Variants in DLGAP2 observed in about 807,000 individuals in gnomAD.
The protein encoded by DLGAP2 is disks large-associated protein 2.
Under a neutral mutation model 100.3 loss-of-function variants are expected in DLGAP2, and 26 were observed. The observed-to-expected ratio is 0.26, with a 90% confidence interval of 0.19 to 0.36. DLGAP2 has a LOEUF of 0.36. Ranked by LOEUF, DLGAP2 falls within the 10% of genes least tolerant of loss-of-function variation. The pLI is 1.00. For synonymous variants in DLGAP2, 886 were observed against 630.1 expected (o/e 1.41, Z -6.08); for missense variants, 1,858 against 1,453.2 (o/e 1.28, Z -4.53).
intron 1 of DLGAP2, among the ~76,000 whole-genome samples, chr8:853,109 GGT>G (rs920135017): frequency 3.9e-5 from 6 of 152,208 alleles, no homozygotes; most frequent in African/African-American, 1.2e-4. Context: ...ATTGCACTTA[GGT>G]GTGTGTTGGG....
chr8:1,265,884 A>G (rs530488528), intron 3 of DLGAP2, among the ~76,000 whole-genome samples: 1 of 152,342 alleles, frequency 6.6e-6, no homozygotes, highest in Non-Finnish European at 1.5e-5. Context: ...AAAGGCTCAT[A>G]CAACACAAAG....
chr8:1,111,425 G>A (rs750281827), intron 2 of DLGAP2, among the ~76,000 whole-genome samples: 5 of 151,376 alleles, frequency 3.3e-5, no homozygotes, highest in South Asian at 2.1e-4. Flanking sequence ...TTTTGGTTCC[G>A]CGGTACATGT....
At chr8:1,463,571 G>A (rs965047570) in intron 3 of DLGAP2, among the ~76,000 whole-genome samples, 13 of 152,374 alleles carry the variant, frequency 8.5e-5, no homozygotes, top group African/African-American at 2.9e-4. Context: ...GTCCGGCCTC[G>A]CGTTGAGGGG....
intron 2 of DLGAP2, among the ~76,000 whole-genome samples, chr8:1,229,900 C>T (rs907361553): frequency 6.6e-6 from 1 of 152,112 alleles, no homozygotes; most frequent in African/African-American, 2.4e-5. Context: ...ATGACAAACC[C>T]ACAGCCAACA....
intron 2 of DLGAP2, among the ~76,000 whole-genome samples, chr8:971,205 C>A (rs564629726): frequency 6.6e-6 from 1 of 152,174 alleles, no homozygotes; most frequent in African/African-American, 2.4e-5. Context: ...ATATCAAATA[C>A]CTGTATGTAT....
At chr8:1,644,358 G>C (rs560111398) in intron 8 of DLGAP2, among the ~76,000 whole-genome samples, 1 of 152,188 alleles carries the variant, frequency 6.6e-6, no homozygotes, top group Non-Finnish European at 1.5e-5. Flanking sequence ...CCAGTGACCC[G>C]GCCCCACCAG....
intron 2 of DLGAP2, among the ~76,000 whole-genome samples, chr8:1,186,686 G>T (rs59581985): frequency 2.0e-5 from 3 of 152,034 alleles, no homozygotes; most frequent in Non-Finnish European, 2.9e-5. Context: ...GGTTGGGACT[G>T]GGGGGCCTTT....
intron 3 of DLGAP2, among the ~76,000 whole-genome samples, chr8:1,272,109 C>T (rs1453543506): frequency 1.3e-5 from 2 of 152,154 alleles, no homozygotes; most frequent in Non-Finnish European, 2.9e-5. Context: ...AGCAACCATG[C>T]CTAGCCTAGA....
chr8:1,204,351 G>A (rs537691652), intron 2 of DLGAP2, among the ~76,000 whole-genome samples: 7 of 152,350 alleles, frequency 4.6e-5, no homozygotes, highest in Admixed American at 3.3e-4. Context: ...GGAAGAACCC[G>A]GGGATTCTGG....
intron 2 of DLGAP2, among the ~76,000 whole-genome samples, chr8:1,047,825 C>T (rs1463086341): frequency 6.6e-6 from 1 of 152,150 alleles, no homozygotes; most frequent in Non-Finnish European, 1.5e-5. Flanking sequence ...TCGGTTTCAT[C>T]ATATGGATTT....
intron 2 of DLGAP2, among the ~76,000 whole-genome samples, chr8:1,138,046 A>G (rs1048294982): frequency 6.6e-6 from 1 of 152,074 alleles, no homozygotes; most frequent in Admixed American, 6.5e-5. Flanking sequence ...CCCTCTCTCG[A>G]TGGAAGCTTT....
At chr8:756,027 G>A (rs981911386) in intron 1 of DLGAP2, among the ~76,000 whole-genome samples, 1 of 152,234 alleles carries the variant, frequency 6.6e-6, no homozygotes, top group Non-Finnish European at 1.5e-5. Context: ...GTTATAACCG[G>A]TATTTGGCTG....
chr8:1,135,503 G>GT (rs3080806), intron 2 of DLGAP2, among the ~76,000 whole-genome samples: 4,896 of 91,836 alleles, frequency 0.053, 517 homozygotes, highest in African/African-American at 0.16. Context: ...TTTTTTGTGG[G>GT]TTTTTTTTTT....
chr8:852,657 GAT>G (rs1273667251), intron 1 of DLGAP2, among the ~76,000 whole-genome samples: 1 of 152,148 alleles, frequency 6.6e-6, no homozygotes, highest in East Asian at 1.9e-4. Flanking sequence ...GATTTGTACT[GAT>G]TATGTTCGCA....
chr8:1,525,437 A>C (rs1800760874), intron 4 of DLGAP2, among the ~76,000 whole-genome samples: 1 of 152,150 alleles, frequency 6.6e-6, no homozygotes, highest in Non-Finnish European at 1.5e-5. Context: ...TGAGCTGCGC[A>C]GTTATTGATG....
chr8:1,058,496 G>A (rs2129034514), intron 2 of DLGAP2, among the ~76,000 whole-genome samples: 1 of 152,302 alleles, frequency 6.6e-6, no homozygotes, highest in African/African-American at 2.4e-5. Flanking sequence ...CCATTCTCAG[G>A]TCAGCCTCGA....
chr8:1,474,502 C>A (rs1242967420), intron 3 of DLGAP2, among the ~76,000 whole-genome samples: 1 of 152,166 alleles, frequency 6.6e-6, no homozygotes, highest in East Asian at 1.9e-4. Flanking sequence ...ACCAGCAGTG[C>A]AGAAGTGTTT....
intron 2 of DLGAP2, among the ~76,000 whole-genome samples, chr8:1,097,733 T>A (rs1296752864): frequency 7.6e-6 from 1 of 131,506 alleles, no homozygotes; most frequent in Non-Finnish European, 1.6e-5. Context: ...CTCAGGAGAG[T>A]CGAGCTGGGA....
intron 12 of DLGAP2, among the ~76,000 whole-genome samples, chr8:1,681,873 G>C (rs73672927): frequency 2.0e-5 from 3 of 149,790 alleles, no homozygotes; most frequent in Non-Finnish European, 4.4e-5. Context: ...GCCCTCTGAC[G>C]TTGAAGGCTC....
Sources: allele counts gnomAD v4.1 joint callset (sites outside exome capture counted in the v4.1 genomes callset), GRCh38; gene constraint gnomAD v4.1.1; transcripts MANE v1.5; gene names NCBI Gene and HGNC (gene_info 2026-07-23, HGNC 2026-07-21).